The following B3GAT2 variants were observed in gnomAD, a reference collection of about 807,000 sequenced individuals.
B3GAT2 encodes the protein beta-1,3-glucuronyltransferase 2.
B3GAT2 carries 26 observed loss-of-function variants against 27.8 expected under a neutral mutation model. The ratio of observed to expected loss-of-function variants is 0.93; its 90% CI spans 0.68 to 1.30. B3GAT2 has a LOEUF of 1.30. Ranked by LOEUF, B3GAT2 falls within the 50% of genes most tolerant of loss-of-function variation. The pLI is 0.00. For synonymous variants in B3GAT2, 218 were observed against 195.1 expected (o/e 1.12, Z -0.98); for missense variants, 458 against 459.0 (o/e 1.00, Z 0.02).
chr6:70,862,057 A>G (rs1471944016), intron 2 of B3GAT2, 79 bp from the exon 3 acceptor site: 2 of 1,367,590 alleles, frequency 1.5e-6, no homozygotes, highest in Admixed American at 5.2e-5. Context: ...TTTTGGTCAC[A>G]TCAAAACAGT....
At chr6:70,904,656 G>T (rs1772567451) in intron 1 of B3GAT2, among the ~76,000 whole-genome samples, 1 of 152,160 alleles carries the variant, frequency 6.6e-6, no homozygotes. Context: ...GGTCTGAAGG[G>T]TTCCTGGCCA....
intron 2 of B3GAT2, among the ~76,000 whole-genome samples, chr6:70,878,660 CTT>C (rs903727708): frequency 4.9e-5 from 7 of 142,710 alleles, no homozygotes; most frequent in African/African-American, 2.6e-5. Context: ...GCATTACATA[CTT>C]TTTTTTTTTT....
At chr6:70,926,698 C>G (rs372342216) in intron 1 of B3GAT2, among the ~76,000 whole-genome samples, 1 of 152,146 alleles carries the variant, frequency 6.6e-6, no homozygotes, top group African/African-American at 2.4e-5. Context: ...ATCTACGTTT[C>G]ATTGGTGTAC....
chr6:70,925,408 G>T (rs145091442), intron 1 of B3GAT2, among the ~76,000 whole-genome samples: 2 of 152,192 alleles, frequency 1.3e-5, no homozygotes. Flanking sequence ...AAGGGAAGCC[G>T]TGACAGATGG....
In B3GAT2 at chr6:70,856,752, A is replaced by C; in HGVS notation, c.*4911T>G. On this transcript the variant is annotated 3_prime_UTR_variant, in exon 4 of 4. Transcript: ENST00000230053. ...GAATGGCACCATTTTACCTTCTACA[A>C]TTGTTTGATTCCTATCTAATTTTAT... 1 of 1,177,648 alleles carries C rather than the reference A, an allele frequency of 8.5e-7. No homozygotes were observed. The highest frequency in any genetic ancestry group is 1.9e-5 in the South Asian group (1 of 52,878). The allele number at this position is 1,177,648 out of a possible 1,614,324, so 72.9% of individuals were successfully genotyped here. A position where few individuals can be genotyped will look rare whatever the true frequency, so the allele number is the denominator to read the frequency against.
chr6:70,908,728 C>A (rs1772639627), intron 1 of B3GAT2, among the ~76,000 whole-genome samples: 1 of 151,934 alleles, frequency 6.6e-6, no homozygotes, highest in Admixed American at 6.6e-5. Flanking sequence ...GAAATAAACA[C>A]AACAAGAGAG....
intron 1 of B3GAT2, among the ~76,000 whole-genome samples, chr6:70,906,603 G>A (rs1026835013): frequency 1.3e-5 from 2 of 152,160 alleles, no homozygotes; most frequent in African/African-American, 4.8e-5. Flanking sequence ...GCCACCTAAA[G>A]TGCTGATTAT....
rs148821755 is a variant in B3GAT2 at position 70,937,144 on chromosome 6, A to T, written c.591+18695T>A. Among the ~76,000 whole-genome samples, 1,297 of 152,332 alleles carry T rather than the reference A, an allele frequency of 8.5e-3. 9 individuals are homozygous for T. The highest frequency in any genetic ancestry group is 0.014 in the African/African-American group (567 of 41,560). On this transcript the variant is annotated intron_variant, in intron 1 of 3. Coordinates refer to ENST00000230053, the MANE Select transcript of B3GAT2 (RefSeq NM_080742.3). The stretch of plus-strand genomic sequence containing the variant: ...AACACCTCTACGCAAATAAACTGGA[A>T]AATCTAGAAGAAATGGATAAATTCC...
chr6:70,872,196 T>C (rs952502094), intron 2 of B3GAT2, among the ~76,000 whole-genome samples: 3 of 151,978 alleles, frequency 2.0e-5, no homozygotes, highest in African/African-American at 7.2e-5. Context: ...GTTCTATAGA[T>C]GTTTGTTACA....
At chr6:70,923,344 C>T (rs1205674847) in intron 1 of B3GAT2, among the ~76,000 whole-genome samples, 1 of 152,164 alleles carries the variant, frequency 6.6e-6, no homozygotes, top group Non-Finnish European at 1.5e-5. Context: ...ATCTTTGATG[C>T]ATGTTTAGTG....
intron 2 of B3GAT2, 77 bp downstream of exon 2, chr6:70,894,051 T>A: frequency 7.2e-7 from 1 of 1,389,904 alleles, no homozygotes; most frequent in Non-Finnish European, 9.5e-7. Context: ...TAAAGCTTCC[T>A]TCATCTAGTG....
At chr6:70,919,832 C>T (rs1233426185) in intron 1 of B3GAT2, among the ~76,000 whole-genome samples, 1 of 152,164 alleles carries the variant, frequency 6.6e-6, no homozygotes, top group Admixed American at 6.5e-5. Flanking sequence ...GGAGGTATCC[C>T]CCAATCAGGC....
chr6:70,875,393 T>C (rs963488078), intron 2 of B3GAT2, among the ~76,000 whole-genome samples: 1 of 152,196 alleles, frequency 6.6e-6, no homozygotes, highest in Admixed American at 6.6e-5. Flanking sequence ...AAATCAAATA[T>C]AGAAAGCAGA....
At chr6:70,875,925 G>GA (rs745982523) in intron 2 of B3GAT2, among the ~76,000 whole-genome samples, 1 of 152,250 alleles carries the variant, frequency 6.6e-6, no homozygotes, top group Non-Finnish European at 1.5e-5. Context: ...AAACAATCAG[G>GA]ATGCTGAGCA....
chr6:70,874,425 C>T (rs1432948287), intron 2 of B3GAT2, among the ~76,000 whole-genome samples: 1 of 152,156 alleles, frequency 6.6e-6, no homozygotes, highest in Admixed American at 6.5e-5. Context: ...AACACTCAGC[C>T]AGGCAATGTA....
At chr6:70,866,716 G>A (rs910274070) in intron 2 of B3GAT2, among the ~76,000 whole-genome samples, 1 of 152,100 alleles carries the variant, frequency 6.6e-6, no homozygotes, top group Non-Finnish European at 1.5e-5. Flanking sequence ...GAATGAATGA[G>A]GGAGACAGGG....
intron 1 of B3GAT2, among the ~76,000 whole-genome samples, chr6:70,897,670 A>ATAT (rs1173221055): frequency 1.1e-5 from 1 of 92,304 alleles, no homozygotes; most frequent in Non-Finnish European, 2.2e-5. Context: ...AAAAAAAAAA[A>ATAT]ATATATATAT....
intron 1 of B3GAT2, among the ~76,000 whole-genome samples, chr6:70,906,345 ATTTT>A (rs919801016): frequency 6.6e-6 from 1 of 151,050 alleles, no homozygotes; most frequent in African/African-American, 2.4e-5. Context: ...TCTCATAGCA[ATTTT>A]TTTTTAAGAC....
Position 70,955,916 on chromosome 6 carries a change from G to T in B3GAT2, c.514C>A (p.Gln172Lys). Residue 172 changes from glutamine (Q) to lysine (K), a missense_variant, in exon 1 of 4, where the codon CAG (glutamine) becomes AAG (lysine). Gln to Lys is a moderately conservative substitution (Grantham distance 53). Transcript: ENST00000230053. ...ACGCCGGGCTGCGCGCGCTGGTGCT[G>T]GTGCCTCTGGCGCAGCCAGGCGAGG... is the stretch of plus-strand genomic sequence containing the variant. ...AGLAWLRQRH[Q>K]HQRAQPGVLF... The T allele has an allele frequency of 6.3e-7, 1 of 1,599,488 alleles. No homozygotes were observed. The highest frequency in any genetic ancestry group is 2.3e-5 in the East Asian group (1 of 43,386).
Sources: gnomAD v4.1 joint callset for allele counts (sites outside exome capture counted in the v4.1 genomes callset) on GRCh38, gnomAD v4.1.1 for gene constraint, MANE v1.5 for transcripts, NCBI Gene and HGNC (gene_info 2026-07-23, HGNC 2026-07-21) for gene names.